The following IQGAP2 variants were observed in gnomAD, a reference collection of about 807,000 sequenced individuals.
IQGAP2 encodes the protein IQ motif containing GTPase activating protein 2, also known as ras GTPase-activating-like protein IQGAP2.
A neutral mutation model predicts 201.3 loss-of-function variants in IQGAP2; 173 were observed. That is an observed-to-expected ratio of 0.86 (90% CI 0.76 to 0.98). The LOEUF is 0.98. Ranked by LOEUF, IQGAP2 falls within the 50% of genes least tolerant of loss-of-function variation. IQGAP2 has a pLI of 0.00. For synonymous variants in IQGAP2, 675 were observed against 673.9 expected, an observed-to-expected ratio of 1.00 and a Z score of -0.03; for missense variants, 1,687 against 1,864.8, an observed-to-expected ratio of 0.90 and a Z score of 1.76.
intron 3 of IQGAP2, among the ~76,000 whole-genome samples, chr5:76,564,393 C>T (rs1554068884): frequency 6.6e-6 from 1 of 152,202 alleles, no homozygotes; most frequent in Non-Finnish European, 1.5e-5. Flanking sequence ...TAGGCTCCAG[C>T]TCCACTGAAA....
intron 28 of IQGAP2, among the ~76,000 whole-genome samples, chr5:76,680,147 C>A (rs1388303913): frequency 2.6e-5 from 4 of 152,288 alleles, no homozygotes; most frequent in African/African-American, 9.6e-5. Flanking sequence ...TAAGGTTAGA[C>A]ATAAAGACTA....
chr5:76,498,136 A>G (rs1045341197), intron 2 of IQGAP2, among the ~76,000 whole-genome samples: 4 of 152,316 alleles, frequency 2.6e-5, no homozygotes, highest in Non-Finnish European at 1.5e-5. Flanking sequence ...AGTCCCCACC[A>G]TGGACATTGT....
In IQGAP2 at chr5:76,419,748, C is replaced by T. The variant is rs576893173; in HGVS notation, c.46+16157C>T. Among the ~76,000 whole-genome samples the T allele has an allele frequency of 5.9e-5, 9 of 151,744 alleles. No individual in the cohort carries two copies. In the South Asian group the frequency reaches 1.9e-3, roughly 32 times the overall value. On this transcript the variant is annotated intron_variant, in intron 1 of 35. Coordinates refer to ENST00000274364, the MANE Select transcript of IQGAP2 (RefSeq NM_006633.5). ...GAAGGATACAATGAACATCTATTCC[C>T]TTCACTTAGCTTTACCACCTGTTGA...
At chr5:76,509,076 C>T (rs1757799601) in intron 2 of IQGAP2, among the ~76,000 whole-genome samples, 2 of 148,220 alleles carry the variant, frequency 1.3e-5, no homozygotes, top group African/African-American at 2.4e-5. Flanking sequence ...TATGTGTGTG[C>T]ATGCTTGCGT....
rs1235346022 is a variant in IQGAP2, at chr5:76,496,720, C to CTTTCT, written c.146+35059_146+35063dup. ...TTTCTGTCTCTTTCTTTCTTTCTTT[C>CTTTCT]TTTCTTTTCTTTCTTTCTTTCTTTC... On this transcript the variant is annotated intron_variant, in intron 2 of 35. Transcript: ENST00000274364. Among the ~76,000 whole-genome samples, 7 of 17,844 alleles carry CTTTCT rather than the reference C, an allele frequency of 3.9e-4. No homozygotes were observed. The East Asian group carries it at 4.6e-3, about 12-fold the overall frequency. 11.7% of individuals were successfully genotyped at this position (17,844 alleles called of 152,430 possible). A position where few individuals can be genotyped will look rare whatever the true frequency, so the allele number is the denominator to read the frequency against.
chr5:76,508,139 T>C (rs1279992886), intron 2 of IQGAP2, among the ~76,000 whole-genome samples: 1 of 150,590 alleles, frequency 6.6e-6, no homozygotes, highest in Non-Finnish European at 1.5e-5. Context: ...AAGAGCAGCC[T>C]GGGCAACATG....
chr5:76,597,655 G>A (rs145645967), intron 10 of IQGAP2, 53 bp downstream of exon 10: 7 of 1,580,802 alleles, frequency 4.4e-6, no homozygotes, highest in African/African-American at 1.4e-5. Context: ...GTGCCATGGC[G>A]CACTAGGGAA....
At chr5:76,617,943 G>A (rs777420775) in intron 13 of IQGAP2, 3 of 1,614,024 alleles carry the variant, frequency 1.9e-6, no homozygotes, top group Non-Finnish European at 2.5e-6. Context: ...GAAGGGAGAT[G>A]AGGACTCGCA....
At chr5:76,606,001 A>G (rs749933125) in intron 11 of IQGAP2, among the ~76,000 whole-genome samples, 178 bp from the exon 12 acceptor site, 1 of 152,240 alleles carries the variant, frequency 6.6e-6, no homozygotes, top group Non-Finnish European at 1.5e-5. Context: ...AGAAAACACC[A>G]TTAGTACAAG....
At chr5:76,542,297 A>G (rs1393458912) in intron 2 of IQGAP2, among the ~76,000 whole-genome samples, 1 of 152,246 alleles carries the variant, frequency 6.6e-6, no homozygotes, top group Non-Finnish European at 1.5e-5. Context: ...TTAAAAAAAC[A>G]GAAGAACTCA....
chr5:76,509,131 C>T (rs1757802667), intron 2 of IQGAP2, among the ~76,000 whole-genome samples: 1 of 151,894 alleles, frequency 6.6e-6, no homozygotes, highest in African/African-American at 2.4e-5. Context: ...TGTCTTTAAA[C>T]TCTGCTTAAG....
intron 2 of IQGAP2, among the ~76,000 whole-genome samples, chr5:76,526,817 C>A (rs1485645487): frequency 1.3e-5 from 2 of 152,262 alleles, no homozygotes; most frequent in East Asian, 3.9e-4. Context: ...TGATAATAGT[C>A]TAGTTTTATT....
At chr5:76,692,205 G>A (rs1746326101) in intron 30 of IQGAP2, among the ~76,000 whole-genome samples, 1 of 152,156 alleles carries the variant, frequency 6.6e-6, no homozygotes, top group East Asian at 1.9e-4. Context: ...AGGCTGGAGT[G>A]CAGTGGCACG....
intron 33 of IQGAP2, 34 bp downstream of exon 33, chr5:76,698,181 G>A (rs781096355): frequency 1.3e-6 from 2 of 1,485,282 alleles, no homozygotes; most frequent in East Asian, 2.3e-5. Flanking sequence ...CATTTGTAAT[G>A]TCATGATTTC....
At chr5:76,622,223 G>A (rs2069651) in intron 13 of IQGAP2, among the ~76,000 whole-genome samples, 87 of 151,960 alleles carry the variant, frequency 5.7e-4, no homozygotes, top group African/African-American at 2.0e-3. Context: ...AACCACCCCC[G>A]AAAACCTTGC....
At chr5:76,470,665 C>A (rs182100590) in intron 2 of IQGAP2, among the ~76,000 whole-genome samples, 20 of 152,278 alleles carry the variant, frequency 1.3e-4, no homozygotes, top group Admixed American at 3.3e-4. Context: ...CCAGCTTCAG[C>A]CTCCCAAGTA....
intron 1 of IQGAP2, among the ~76,000 whole-genome samples, chr5:76,414,793 A>C (rs548977111): frequency 4.6e-5 from 7 of 152,190 alleles, no homozygotes; most frequent in African/African-American, 1.7e-4. Context: ...CTCCAGTCTA[A>C]TCTTTGCTAT....
intron 6 of IQGAP2, 143 bp from the exon 7 acceptor site, chr5:76,589,472 C>A: frequency 4.0e-6 from 2 of 496,548 alleles, no homozygotes; most frequent in East Asian, 3.3e-5. Flanking sequence ...GAAACTTGGG[C>A]TAGGTTCTTC....
At chr5:76,414,351 C>T (rs1448781520) in intron 1 of IQGAP2, among the ~76,000 whole-genome samples, 1 of 152,096 alleles carries the variant, frequency 6.6e-6, no homozygotes, top group Non-Finnish European at 1.5e-5. Flanking sequence ...AACTGTGCTT[C>T]CTCAGGTAAG....
Sources: allele counts gnomAD v4.1 joint callset (sites outside exome capture counted in the v4.1 genomes callset), GRCh38; gene constraint gnomAD v4.1.1; transcripts MANE v1.5; gene names NCBI Gene and HGNC (gene_info 2026-07-23, HGNC 2026-07-21).